DPY19L3: variants seen among roughly 807,000 people sequenced by gnomAD.
DPY19L3 encodes dpy-19 like C-mannosyltransferase 3, also known as protein C-mannosyl-transferase DPY19L3.
DPY19L3 carries 51 observed loss-of-function variants against 92.3 expected under a neutral mutation model. The observed-to-expected ratio is 0.55, with a 90% confidence interval of 0.44 to 0.70. The LOEUF (loss-of-function observed/expected upper bound fraction) is 0.70, where lower values mean the gene tolerates loss of function less well. Ranked by LOEUF, DPY19L3 falls within the 30% of genes least tolerant of loss-of-function variation. The pLI is 0.00. For synonymous variants in DPY19L3, 309 were observed against 315.2 expected, an observed-to-expected ratio of 0.98 and a Z score of 0.21; for missense variants, 706 against 855.9, an observed-to-expected ratio of 0.82 and a Z score of 2.18.
chr19:32,436,426 G>C lies in DPY19L3; in HGVS notation c.329-20G>C. On this transcript the variant is annotated intron_variant, in intron 4 of 18. Transcript: ENST00000392250. ...TTATGAGTGTAATTATTTTCTTCCTGACTTTTCACATATCTATAGGTTTTC... is the reference window on the plus strand; with the variant it reads ...TTATGAGTGTAATTATTTTCTTCCTCACTTTTCACATATCTATAGGTTTTC... 6.9e-7 allele frequency: 1 copy of C among 1,443,220 alleles called. No homozygotes were observed. The highest frequency in any genetic ancestry group is 9.4e-7 in the Non-Finnish European group (1 of 1,063,554). 89.4% of individuals were successfully genotyped at this position (1,443,220 alleles called of 1,614,324 possible).
intron 16 of DPY19L3, among the ~76,000 whole-genome samples, chr19:32,475,395 T>C (rs1421847800): frequency 1.3e-5 from 2 of 152,162 alleles, no homozygotes; most frequent in Non-Finnish European, 2.9e-5. Flanking sequence ...ACCAGACTCA[T>C]CATGTTCTCT....
chr19:32,458,973 C>T (rs1969956309), intron 12 of DPY19L3, among the ~76,000 whole-genome samples: 1 of 152,150 alleles, frequency 6.6e-6, no homozygotes, highest in South Asian at 2.1e-4. Flanking sequence ...TATTAGCATC[C>T]TGTGTTTTTC....
rs1034541645 is a variant in DPY19L3, at chr19:32,482,781, A to G, written c.*541A>G. The G allele has an allele frequency of 3.3e-5, 5 of 153,316 alleles. No homozygotes were observed. Among genetic ancestry groups the G allele is most frequent in the African/African-American group, 9.6e-5 (4 of 41,588 alleles). 9.5% of individuals were successfully genotyped at this position (153,316 alleles called of 1,614,324 possible). On this transcript the variant is annotated 3_prime_UTR_variant, in exon 19 of 19. Transcript: ENST00000392250. Reference sequence around the variant, plus strand: ...GCTGTCAACATTAACAAAAAAAATCATGTTAAGGCTTTGTATCAAACATTT... The same window carrying G: ...GCTGTCAACATTAACAAAAAAAATCGTGTTAAGGCTTTGTATCAAACATTT...
At chr19:32,452,673 T>G (rs755300486) in intron 8 of DPY19L3, among the ~76,000 whole-genome samples, 2 of 152,066 alleles carry the variant, frequency 1.3e-5, no homozygotes, top group African/African-American at 4.8e-5. Context: ...ACAGTTGGTA[T>G]GTGTATGATT....
At position 32,415,617 on chromosome 19, in the gene DPY19L3, T is replaced by C. The variant is rs563062104; in HGVS notation, c.237+4245T>C. ...GTATTGGCGTTTCAGAAAGTTGCCT[T>C]AGGCTGTGATGTGGAAAATGGATTT... On this transcript the variant is annotated intron_variant, in intron 3 of 18. Transcript: ENST00000392250. 9.2e-5 allele frequency among the ~76,000 whole-genome samples: 14 copies of C among 152,314 alleles called. No homozygotes were observed. In the South Asian group the frequency reaches 1.2e-3, roughly 14 times the overall value.
intron 8 of DPY19L3, among the ~76,000 whole-genome samples, chr19:32,450,627 C>T (rs1255888061): frequency 2.0e-5 from 3 of 152,260 alleles, no homozygotes; most frequent in African/African-American, 7.2e-5. Flanking sequence ...AAAAAGACTG[C>T]ACTTTATTCC....
chr19:32,480,237 C>T (rs2145643044), intron 17 of DPY19L3, among the ~76,000 whole-genome samples, 162 bp from the exon 18 acceptor site: 1 of 152,366 alleles, frequency 6.6e-6, no homozygotes, highest in African/African-American at 2.4e-5. Flanking sequence ...TCCACGCACA[C>T]ACTCCAGGCC....
At chr19:32,425,010 A>G (rs1216850141) in intron 3 of DPY19L3, among the ~76,000 whole-genome samples, 1 of 152,200 alleles carries the variant, frequency 6.6e-6, no homozygotes, top group African/African-American at 2.4e-5. Context: ...TGGTCTATAA[A>G]CAAATGGATA....
intron 8 of DPY19L3, among the ~76,000 whole-genome samples, chr19:32,442,261 C>G (rs1969348407): frequency 6.6e-6 from 1 of 152,150 alleles, no homozygotes; most frequent in South Asian, 2.1e-4. Context: ...CTCAAGTTTC[C>G]AGTCAGAAAT....
intron 16 of DPY19L3, among the ~76,000 whole-genome samples, chr19:32,469,764 AT>A (rs1599669817): frequency 6.6e-6 from 1 of 152,166 alleles, no homozygotes; most frequent in African/African-American, 2.4e-5. Context: ...TCAGAATGAA[AT>A]TTGTGTATTT....
At position 32,476,952 on chromosome 19, in the gene DPY19L3, T is replaced by A. The variant is rs534867802; in HGVS notation, c.1698-570T>A. On this transcript the variant is annotated intron_variant, in intron 16 of 18. Coordinates refer to ENST00000392250, the MANE Select transcript of DPY19L3 (RefSeq NM_001172774.2). ...TGTGATTTTTTTCCTTATTGCTTTT[T>A]TAAGCAAAAACCCTTGGAACTGACT... is the stretch of plus-strand genomic sequence containing the variant. Among the ~76,000 whole-genome samples the A allele has an allele frequency of 1.4e-4, 21 of 152,304 alleles. No homozygotes were observed. The East Asian group carries it at 3.9e-3, about 28-fold the overall frequency.
At chr19:32,422,629 A>AACACACACACAC (rs66481682) in intron 3 of DPY19L3, among the ~76,000 whole-genome samples, 5,776 of 146,746 alleles carry the variant, frequency 0.039, 262 homozygotes, top group Admixed American at 0.15. Context: ...AATCAGGAAA[A>AACACACACACAC]ACACACACAC....
chr19:32,482,460 A>G lies in DPY19L3; in HGVS notation c.*220A>G, dbSNP rs1970703523. The G allele has an allele frequency of 2.0e-5, 10 of 508,752 alleles. No individual in the cohort carries two copies. The South Asian group carries it at 2.5e-4, about 13-fold the overall frequency. 31.5% of individuals were successfully genotyped at this position (508,752 alleles called of 1,614,324 possible). On this transcript the variant is annotated 3_prime_UTR_variant, in exon 19 of 19. Transcript: ENST00000392250. ...TCTATCTTTCTCATTAATGTTCTTTAGCCTAAATGTTAACAACTTTCTAAG... is the reference window on the plus strand; with the variant it reads ...TCTATCTTTCTCATTAATGTTCTTTGGCCTAAATGTTAACAACTTTCTAAG...
intron 12 of DPY19L3, among the ~76,000 whole-genome samples, chr19:32,462,967 T>G (rs1171930258): frequency 6.6e-6 from 1 of 152,192 alleles, no homozygotes; most frequent in East Asian, 1.9e-4. Flanking sequence ...AATTCCAAGT[T>G]AATGGATGTG....
At chr19:32,466,664 A>G (rs1970211264) in intron 15 of DPY19L3, among the ~76,000 whole-genome samples, 1 of 152,248 alleles carries the variant, frequency 6.6e-6, no homozygotes, top group Non-Finnish European at 1.5e-5. Context: ...TAAAGAAGCC[A>G]TCATCTCCAG....
rs1189739601 is a variant in DPY19L3 at position 32,469,494 on chromosome 19, T to TA, written c.1697+696dup. On this transcript the variant is annotated intron_variant, in intron 16 of 18. Transcript: ENST00000392250. ...CTGGGCGACAGAGCAAGACTCTCTC[T>TA]AAAAAAAAAAAAAAAGAAAGAAAAA... Among the ~76,000 whole-genome samples, 885 of 124,190 alleles carry TA rather than the reference T, an allele frequency of 7.1e-3. 4 individuals are homozygous for TA. The highest frequency in any genetic ancestry group is 0.02 in the African/African-American group (673 of 33,936). 81.5% of individuals were successfully genotyped at this position (124,190 alleles called of 152,430 possible).
At chr19:32,467,122 A>C (rs1450772635) in intron 15 of DPY19L3, among the ~76,000 whole-genome samples, 1 of 152,228 alleles carries the variant, frequency 6.6e-6, no homozygotes, top group Non-Finnish European at 1.5e-5. Context: ...TAGTAAAATT[A>C]GGACGTTGGT....
At chr19:32,457,265 C>T (rs1007363037) in intron 10 of DPY19L3, among the ~76,000 whole-genome samples, 2 of 152,036 alleles carry the variant, frequency 1.3e-5, no homozygotes, top group African/African-American at 4.8e-5. Context: ...TTTGCTTTAC[C>T]CATGGGAAAA....
At chr19:32,451,844 C>CT (rs1249276400) in intron 8 of DPY19L3, among the ~76,000 whole-genome samples, 3 of 152,170 alleles carry the variant, frequency 2.0e-5, no homozygotes, top group Admixed American at 2.0e-4. Context: ...CGCCTCCCCA[C>CT]TTTTTTTAGA....
Sources: allele counts gnomAD v4.1 joint callset (sites outside exome capture counted in the v4.1 genomes callset), GRCh38; gene constraint gnomAD v4.1.1; transcripts MANE v1.5; gene names NCBI Gene and HGNC (gene_info 2026-07-23, HGNC 2026-07-21).